The following PITPNM3 variants were observed in gnomAD, a reference collection of about 807,000 sequenced individuals.
PITPNM3 encodes the protein membrane-associated phosphatidylinositol transfer protein 3.
Under a neutral mutation model 102.0 loss-of-function variants are expected in PITPNM3, and 26 were observed. The observed-to-expected ratio is 0.25, with a 90% CI of 0.19 to 0.35. The LOEUF (loss-of-function observed/expected upper bound fraction) is 0.35. Among genes scored for constraint, PITPNM3 ranks in the 10% least tolerant of loss-of-function variants. The pLI, the probability that PITPNM3 is intolerant of heterozygous loss-of-function variation, is 1.00. For missense variants in PITPNM3, 1,083 were observed against 1,346.1 expected (o/e 0.80, Z 3.06); for synonymous variants, 578 against 558.6 (o/e 1.03, Z -0.49).
chr17:6,520,710 T>C (rs1908457847), intron 3 of PITPNM3, among the ~76,000 whole-genome samples: 2 of 152,206 alleles, frequency 1.3e-5, no homozygotes, highest in African/African-American at 4.8e-5. Context: ...TTATTCATGG[T>C]AGCTAAAACG....
chr17:6,455,260 G>A lies in PITPNM3; in HGVS notation c.*78C>T. 6 of 1,473,288 alleles carry A rather than the reference G, an allele frequency of 4.1e-6. No individual in the cohort carries two copies. Among genetic ancestry groups the A allele is most frequent in the Non-Finnish European group, 4.5e-6 (5 of 1,102,468 alleles). 91.3% of individuals were successfully genotyped at this position (1,473,288 alleles called of 1,614,324 possible). ...AAAAGCAGGAAAACGCCTGTGTCGG[G>A]GAGAGGGCAGCCCCCTCCCGTCCCC... is the stretch of plus-strand genomic sequence containing the variant. On this transcript the variant is annotated 3_prime_UTR_variant, in exon 20 of 20. Coordinates refer to ENST00000262483, the MANE Select transcript of PITPNM3 (RefSeq NM_031220.4).
intron 2 of PITPNM3, among the ~76,000 whole-genome samples, chr17:6,525,811 T>C (rs558044189): frequency 5.4e-4 from 82 of 152,306 alleles, no homozygotes; most frequent in African/African-American, 1.8e-3. Context: ...TTGCAAGCAG[T>C]TTTTCTTTAA....
chr17:6,505,957 G>T (rs575263262), intron 3 of PITPNM3, among the ~76,000 whole-genome samples: 2 of 152,322 alleles, frequency 1.3e-5, no homozygotes, highest in African/African-American at 4.8e-5. Flanking sequence ...TGACAGTAGA[G>T]GAAAGGGCAT....
chr17:6,518,708 AG>A (rs1908321460), intron 3 of PITPNM3, among the ~76,000 whole-genome samples: 1 of 152,370 alleles, frequency 6.6e-6, no homozygotes, highest in East Asian at 1.9e-4. Flanking sequence ...CCATCGAAAT[AG>A]GTAAGCCTTT....
rs1205027847 is a variant in PITPNM3 at position 6,461,545 on chromosome 17, T to A, written c.2318A>T (p.Asp773Val). The A allele has an allele frequency of 6.2e-7, 1 of 1,614,042 alleles. No homozygotes were observed. The highest frequency in any genetic ancestry group is 1.3e-5 in the African/African-American group (1 of 74,938). Reference protein sequence around the residue: ...GAVDVVRHWQDLGYMILYITG... With the variant: ...GAVDVVRHWQVLGYMILYITG... ...GATGTAAAGGATCATGTAGCCCAAG[T>A]CCTGCCAGTGCCTGGTGAGATGGCA... is the stretch of plus-strand genomic sequence containing the variant. The change falls in exon 18 of 20, where the codon GAC becomes GTC. Residue 773 changes from aspartate to valine, a missense_variant. This residue lies in a region of PITPNM3 where 410 missense variants were observed against 638.4 expected (regional missense o/e 0.64). Transcript: ENST00000262483.
intron 4 of PITPNM3, 66 bp from the exon 5 acceptor site, chr17:6,484,358 G>C: frequency 6.8e-7 from 1 of 1,468,952 alleles, no homozygotes; most frequent in Non-Finnish European, 9.5e-7. Flanking sequence ...CACTCCCTGG[G>C]CCCAGCTGGC....
In PITPNM3 at chr17:6,472,553, C is replaced by G; in HGVS notation, c.1429+104G>C. The G allele has an allele frequency of 6.3e-6, 9 of 1,428,614 alleles. 1 individual carries two copies. Among genetic ancestry groups the G allele is most frequent in the Non-Finnish European group, 8.7e-6 (9 of 1,039,486 alleles). The allele number at this position is 1,428,614 out of a possible 1,614,324, so 88.5% of individuals were successfully genotyped here. ...CGGCTAACCTTCTGTTCTCACAGCC[C>G]CTGCTCAGGTGAGTCACCCTACTCA... On this transcript the variant is annotated intron_variant, in intron 11 of 19. Transcript: ENST00000262483. This position sits in a 1 kb window ranked among gnomAD's most constrained non-coding sequence, Gnocchi z 4.1.
At chr17:6,524,757 T>G (rs59332607) in intron 3 of PITPNM3, among the ~76,000 whole-genome samples, 4,949 of 152,218 alleles carry the variant, frequency 0.033, 253 homozygotes, top group African/African-American at 0.11. Context: ...TTATACACAG[T>G]AGGTGCTCAA....
intron 11 of PITPNM3, among the ~76,000 whole-genome samples, chr17:6,471,600 C>T (rs1466831146): frequency 1.3e-5 from 2 of 152,206 alleles, no homozygotes; most frequent in African/African-American, 4.8e-5. Context: ...GTGAGTTATG[C>T]AGACACAAGC....
chr17:6,491,589 C>T (rs1906488333), intron 4 of PITPNM3, among the ~76,000 whole-genome samples: 1 of 152,122 alleles, frequency 6.6e-6, no homozygotes, highest in Admixed American at 6.5e-5. Flanking sequence ...CCCTAGGCAG[C>T]TCCTGAGGGC....
In PITPNM3 at chr17:6,505,914, A is replaced by G. The variant is rs367662285; in HGVS notation, c.227-2340T>C. 1.1e-4 allele frequency among the ~76,000 whole-genome samples: 16 copies of G among 152,292 alleles called. 2 individuals are homozygous for G. Among genetic ancestry groups the G allele is most frequent in the African/African-American group, 3.6e-4 (15 of 41,554 alleles). The stretch of plus-strand genomic sequence containing the variant: ...AGATTCATTCTGACTGAGGACTCCA[A>G]GGAAGCTTGTGCCAGAGCAGAGATT... On this transcript the variant is annotated intron_variant, in intron 3 of 19. Coordinates refer to ENST00000262483, the MANE Select transcript of PITPNM3 (RefSeq NM_031220.4).
chr17:6,501,734 T>TG (rs1274842564), intron 4 of PITPNM3, among the ~76,000 whole-genome samples: 3 of 152,130 alleles, frequency 2.0e-5, no homozygotes, highest in African/African-American at 7.2e-5. Context: ...TTTTCTGAGG[T>TG]GGAGGCGCCT....
intron 9 of PITPNM3, among the ~76,000 whole-genome samples, chr17:6,476,346 G>C (rs1013982045): frequency 6.6e-6 from 1 of 152,130 alleles, no homozygotes; most frequent in African/African-American, 2.4e-5. Context: ...AGGAGCAGAG[G>C]AAAAAGAAAG....
chr17:6,511,736 C>T (rs1425440922), intron 3 of PITPNM3, among the ~76,000 whole-genome samples: 1 of 152,100 alleles, frequency 6.6e-6, no homozygotes, highest in East Asian at 1.9e-4. Flanking sequence ...GTAGTCCCAG[C>T]ACTTAGGGAG....
chr17:6,465,488 ACTAT>A (rs1363104113), intron 14 of PITPNM3, among the ~76,000 whole-genome samples: 1 of 151,964 alleles, frequency 6.6e-6, no homozygotes, highest in Non-Finnish European at 1.5e-5. Flanking sequence ...AACAGTATTT[ACTAT>A]CTGTCTTTTT....
intron 4 of PITPNM3, among the ~76,000 whole-genome samples, chr17:6,488,209 G>A (rs372818041): frequency 3.1e-4 from 47 of 152,136 alleles, no homozygotes; most frequent in African/African-American, 1.1e-3. Flanking sequence ...TTCCTACCAT[G>A]ATAATTGGGG....
In PITPNM3 at chr17:6,484,437, C is replaced by T. The variant is rs1905947724; in HGVS notation, c.275-145G>A. 5.0e-6 allele frequency: 4 copies of T among 801,162 alleles called. No homozygotes were observed. In the East Asian group the frequency reaches 1.0e-4, roughly 21 times the overall value. 49.6% of individuals were successfully genotyped at this position (801,162 alleles called of 1,614,324 possible). On this transcript the variant is annotated intron_variant, in intron 4 of 19. Coordinates refer to ENST00000262483, the MANE Select transcript of PITPNM3 (RefSeq NM_031220.4). ...TAGAGTCTGGAGCTAGGGAGAGTCA[C>T]CCCATCCAGGCCCTGCCTCTGAAAC...
intron 3 of PITPNM3, among the ~76,000 whole-genome samples, chr17:6,503,959 G>A (rs1213113076): frequency 6.6e-6 from 1 of 151,964 alleles, no homozygotes; most frequent in Non-Finnish European, 1.5e-5. Context: ...CACTGCCAGG[G>A]CTCTGCCTCT....
intron 4 of PITPNM3, among the ~76,000 whole-genome samples, chr17:6,490,417 C>T (rs1157115738): frequency 6.6e-6 from 1 of 152,116 alleles, no homozygotes; most frequent in Non-Finnish European, 1.5e-5. Context: ...AGCATAAGTG[C>T]CCTCTGTGAG....
Sources: allele counts gnomAD v4.1 joint callset (sites outside exome capture counted in the v4.1 genomes callset), GRCh38; gene constraint gnomAD v4.1.1; regional missense constraint gnomAD v4.1.1; non-coding constraint Gnocchi (gnomAD v3.1); transcripts MANE v1.5; gene names NCBI Gene and HGNC (gene_info 2026-07-23, HGNC 2026-07-21).